Variants in ICMT observed in about 807,000 individuals in gnomAD.
ICMT encodes isoprenylcysteine carboxyl methyltransferase, also known as protein-S-isoprenylcysteine O-methyltransferase.
A neutral mutation model predicts 32.2 loss-of-function variants in ICMT; 10 were observed. The ratio of observed to expected loss-of-function variants is 0.31; its 90% confidence interval spans 0.19 to 0.53. The LOEUF (loss-of-function observed/expected upper bound fraction) is 0.53. ICMT is among the 20% of genes least tolerant of loss of function. The probability of loss-of-function intolerance (pLI) is 0.96; values close to 1 mark genes in which losing one functional copy is unlikely to be tolerated. For synonymous variants in ICMT, 183 were observed against 158.2 expected (o/e 1.16, Z -1.18); for missense variants, 265 against 356.9 (o/e 0.74, Z 2.07).
intron 3 of ICMT, 111 bp downstream of exon 3, chr1:6,233,363 G>T: frequency 2.1e-6 from 2 of 970,770 alleles, no homozygotes; most frequent in Non-Finnish European, 3.1e-6. Context: ...AGAGGTCTGC[G>T]GAAAATCGCT....
At chr1:6,231,002 G>A (rs1380471504) in intron 4 of ICMT, among the ~76,000 whole-genome samples, 4 of 151,396 alleles carry the variant, frequency 2.6e-5, no homozygotes, top group African/African-American at 9.7e-5. Context: ...AGTAGTTCAA[G>A]ATGGCTCTGG....
chr1:6,233,655 CA>C lies in ICMT; in HGVS notation c.285-13del, dbSNP rs1557603478. 1 of 1,602,054 alleles carries C rather than the reference CA, an allele frequency of 6.2e-7. No homozygotes were observed. ...GGGAGCACATGTACCTATTTAAAGA[CA>C]AAAAGAGAGTTAAGTTGGGACAAGA... On this transcript the variant is annotated splice_polypyrimidine_tract_variant and intron_variant, in intron 2 of 4. Transcript: ENST00000343813.
At chr1:6,234,821 C>T in intron 2 of ICMT, 65 bp downstream of exon 2, 1 of 1,188,358 alleles carries the variant, frequency 8.4e-7, no homozygotes. Flanking sequence ...TGAGGAAATG[C>T]CGCTACAGAC....
intron 1 of ICMT, 97 bp downstream of exon 1, chr1:6,235,620 A>C (rs1328924326): frequency 3.8e-6 from 3 of 797,442 alleles, no homozygotes; most frequent in Non-Finnish European, 4.8e-6. Context: ...CGCGCGTGGG[A>C]GGCCACTGCG....
At chr1:6,225,700 A>G (rs1468372870) in intron 4 of ICMT, among the ~76,000 whole-genome samples, 2 of 152,056 alleles carry the variant, frequency 1.3e-5, no homozygotes, top group African/African-American at 4.8e-5. Flanking sequence ...ACAGTGCCAC[A>G]AAACTCAGCT....
rs1668823154 is a variant in ICMT, at chr1:6,235,951, T to TAGCCCGGAGAAACGCGCCAGCTGC, written c.-41_-40insGCAGCTGGCGCGTTTCTCCGGGCT. The stretch of plus-strand genomic sequence containing the variant: ...GACTAGCGGGCGGCGGCGCCGGCTG[T>TAGCCCGGAGAAACGCGCCAGCTGC]AGCCCGGAGAAACGCGCCGGCTGCG... On this transcript the variant is annotated 5_prime_UTR_variant, in exon 1 of 5. Transcript: ENST00000343813. 9 of 1,026,646 alleles carry TAGCCCGGAGAAACGCGCCAGCTGC rather than the reference T, an allele frequency of 8.8e-6. No homozygotes were observed. The African/African-American group carries it at 1.4e-4, about 16-fold the overall frequency. 63.6% of individuals were successfully genotyped at this position (1,026,646 alleles called of 1,614,324 possible). A position where few individuals can be genotyped will look rare whatever the true frequency, so the allele number is the denominator to read the frequency against.
chr1:6,230,451 C>G (rs529621297), intron 4 of ICMT, among the ~76,000 whole-genome samples: 1 of 151,990 alleles, frequency 6.6e-6, no homozygotes, highest in Non-Finnish European at 1.5e-5. Flanking sequence ...GACGTGGTGG[C>G]AACACCTGTA....
At chr1:6,230,122 CT>C (rs59487986) in intron 4 of ICMT, among the ~76,000 whole-genome samples, 17,764 of 145,372 alleles carry the variant, frequency 0.12, 1,417 homozygotes, top group African/African-American at 0.24. Flanking sequence ...GGAACCATCT[CT>C]TTTTTTTTTG....
chr1:6,232,861 C>CTT (rs59948131), intron 3 of ICMT, among the ~76,000 whole-genome samples: 2 of 140,328 alleles, frequency 1.4e-5, no homozygotes, highest in Non-Finnish European at 1.5e-5. Context: ...TTAGTAAACT[C>CTT]TTTTTTTTTT....
Position 6,234,927 on chromosome 1 carries a change from C to T in ICMT, c.243G>A (p.Thr81=), listed in dbSNP as rs1668796815. Residue 81 remains threonine (T), a synonymous_variant, in exon 2 of 5, where the codon ACG becomes ACA. Transcript: ENST00000343813. ...AAGAAGACTGGCTAAAACTTAGCAG[C>T]GTGCCGCAGCCGAACACAAACCCCA... ...CFLGFVFGCG[T]LLSFSQSSWS... is the part of the protein sequence containing the mutation. 1.9e-6 allele frequency: 3 copies of T among 1,613,854 alleles called. No homozygotes were observed. Among genetic ancestry groups the T allele is most frequent in the Admixed American group, 3.3e-5 (2 of 59,992 alleles).
chr1:6,225,291 G>T, intron 4 of ICMT, 29 bp from the exon 5 acceptor site: 1 of 1,601,120 alleles, frequency 6.2e-7, no homozygotes, highest in Non-Finnish European at 8.5e-7. Flanking sequence ...AGGCTCATCA[G>T]GGTGACCGTG....
chr1:6,233,476 G>A lies in ICMT; in HGVS notation c.452C>T (p.Pro151Leu). ...AGGGGGACATAAGGCACACGAACCT[G>A]GCCAAAAGATATTTTCAAGTGTGAA... ...LEFTLENIFW[P>L]ELKQITWLSV... Residue 151 changes from proline (P) to leucine (L), a missense_variant and splice_region_variant, in exon 3 of 5, where the codon CCA becomes CTA. Pro to Leu is a moderately conservative substitution (Grantham distance 98). This residue lies in a region of ICMT where 166 missense variants were observed against 264.3 expected (regional missense o/e 0.63). Transcript: ENST00000343813. 6.2e-7 allele frequency: 1 copy of A among 1,613,282 alleles called. No homozygotes were observed. Among genetic ancestry groups the A allele is most frequent in the Non-Finnish European group, 8.5e-7 (1 of 1,179,656 alleles).
In ICMT at chr1:6,225,009, G is replaced by T; in HGVS notation, c.*71C>A. On this transcript the variant is annotated 3_prime_UTR_variant, in exon 5 of 5. Transcript: ENST00000343813. ...GATTAAGAAAATCCATGTGGCAGCG[G>T]CCAACCGGAAACAGTTTTGTCCCAG... 1.5e-6 allele frequency: 2 copies of T among 1,315,576 alleles called. No individual in the cohort carries two copies. The highest frequency in any genetic ancestry group is 2.1e-6 in the Non-Finnish European group (2 of 946,688). The allele number at this position is 1,315,576 out of a possible 1,614,324, so 81.5% of individuals were successfully genotyped here. A position where few individuals can be genotyped will look rare whatever the true frequency, so the allele number is the denominator to read the frequency against.
chr1:6,233,100 C>T (rs1323530649), intron 3 of ICMT, among the ~76,000 whole-genome samples: 2 of 152,152 alleles, frequency 1.3e-5, no homozygotes, highest in Non-Finnish European at 1.5e-5. Context: ...GTGATCCACC[C>T]GCCTCGACCT....
intron 4 of ICMT, among the ~76,000 whole-genome samples, chr1:6,226,586 G>T (rs532583205): frequency 6.6e-6 from 1 of 152,042 alleles, no homozygotes; most frequent in South Asian, 2.1e-4. Context: ...ACAGCCACCC[G>T]GAGAGCCAGG....
chr1:6,233,833 GTTT>G, intron 2 of ICMT, among the ~76,000 whole-genome samples, 190 bp from the exon 3 acceptor site: 1 of 152,208 alleles, frequency 6.6e-6, no homozygotes, highest in Non-Finnish European at 1.5e-5. Flanking sequence ...TTAAGGGGCT[GTTT>G]TTGTTTCTGG....
chr1:6,234,267 A>G (rs1668781341), intron 2 of ICMT: 1 of 356,090 alleles, frequency 2.8e-6, no homozygotes, highest in South Asian at 2.1e-5. Flanking sequence ...CACTACACAC[A>G]ATAAAACATG....
chr1:6,235,961 A>G lies in ICMT; in HGVS notation c.-50T>C. ...CGGCGGCGCCGGCTGTAGCCCGGAG[A>G]AACGCGCCGGCTGCGCCTGCGCACT... On this transcript the variant is annotated 5_prime_UTR_variant, in exon 1 of 5. Transcript: ENST00000343813. The G allele has an allele frequency of 1.0e-6, 1 of 996,696 alleles. No individual in the cohort carries two copies. Among genetic ancestry groups the G allele is most frequent in the Non-Finnish European group, 1.2e-6 (1 of 813,798 alleles). The allele number at this position is 996,696 out of a possible 1,614,324, so 61.7% of individuals were successfully genotyped here. A position where few individuals can be genotyped will look rare whatever the true frequency, so the allele number is the denominator to read the frequency against.
In ICMT at chr1:6,225,046, T is replaced by A. The variant is rs370724223; in HGVS notation, c.*34A>T. ...CAGTTTTGTCCCAGGCTGCACAGGGTCGGAGGCCCCAAGGTCACCGGGGCC... is the reference window on the plus strand; with the variant it reads ...CAGTTTTGTCCCAGGCTGCACAGGGACGGAGGCCCCAAGGTCACCGGGGCC... On this transcript the variant is annotated 3_prime_UTR_variant, in exon 5 of 5. Transcript: ENST00000343813. 6.3e-7 allele frequency: 1 copy of A among 1,585,320 alleles called. No individual in the cohort carries two copies. The highest frequency in any genetic ancestry group is 2.2e-5 in the East Asian group (1 of 44,670).
Sources: gnomAD v4.1 joint callset for allele counts (sites outside exome capture counted in the v4.1 genomes callset) on GRCh38, gnomAD v4.1.1 for gene constraint, gnomAD v4.1.1 regional missense constraint, MANE v1.5 for transcripts, NCBI Gene and HGNC (gene_info 2026-07-23, HGNC 2026-07-21) for gene names.